Variants in ANK2 observed in about 807,000 individuals in gnomAD.
The protein encoded by ANK2 is ankyrin 2.
In ANK2, 83 loss-of-function variants were observed where a neutral mutation model predicts 360.5. The ratio of observed to expected loss-of-function variants is 0.23; its 90% CI spans 0.19 to 0.28. The LOEUF (loss-of-function observed/expected upper bound fraction) is 0.28, where lower values mean the gene tolerates loss of function less well. ANK2 is among the 10% of genes least tolerant of loss of function. ANK2 has a pLI of 1.00. For synonymous variants in ANK2, 1,740 were observed against 1,759.5 expected (o/e 0.99, Z 0.28); for missense variants, 4,201 against 4,795.7 (o/e 0.88, Z 3.66).
intron 1 of ANK2, among the ~76,000 whole-genome samples, chr4:112,831,342 G>C (rs989767061): frequency 6.6e-6 from 1 of 152,232 alleles, no homozygotes; most frequent in South Asian, 2.1e-4. Context: ...AGCACTCTGT[G>C]TCTAGCTCAA....
intron 1 of ANK2, among the ~76,000 whole-genome samples, chr4:113,163,976 C>T (rs1463868616): frequency 6.6e-6 from 1 of 152,066 alleles, no homozygotes; most frequent in Non-Finnish European, 1.5e-5. Flanking sequence ...CATTTCTCTA[C>T]CCCCTCCCCC....
At chr4:113,288,547 T>C (rs2065902412) in intron 20 of ANK2, 61 bp downstream of exon 20, 1 of 1,371,322 alleles carries the variant, frequency 7.3e-7, no homozygotes, top group East Asian at 2.3e-5. Context: ...ATCTGGATGC[T>C]TCACTAGTTT....
the ANK2 span, among the ~76,000 whole-genome samples, chr4:112,783,055 G>A: frequency 1.1e-3 from 167 of 151,822 alleles, no homozygotes; most frequent in African/African-American, 3.4e-3. Flanking sequence ...GACTACAGGC[G>A]TGCGCCACCA....
rs373688313 is a variant in ANK2, at chr4:113,373,120, A to G, written c.11641A>G (p.Thr3881Ala). The G allele has an allele frequency of 1.7e-5, 28 of 1,614,048 alleles. No homozygotes were observed. In the African/African-American group the frequency reaches 3.1e-4, roughly 18 times the overall value. ...GDDMPEIPPE[T>A]VTEEEYIDEH... ...CGATATGCCTGAAATACCCCCAGAA[A>G]CAGTCACAGAAGAAGAATACATTGA... is the stretch of plus-strand genomic sequence containing the variant. The change falls in exon 44 of 46, where the codon ACA becomes GCA. Residue 3881 changes from threonine to alanine, a missense_variant. Thr to Ala is a moderately conservative substitution (Grantham distance 58). Around this residue, in one of 4 missense-constraint regions of ANK2, gnomAD observed 2,642 missense variants for 2,714.5 expected, o/e 0.97. Transcript: ENST00000357077.
Position 113,288,501 on chromosome 4 carries a change from G to T in ANK2, c.2277+15G>T. ...CAAAAACCAAGGTAAAGTACTTGTG[G>T]TCATTTTCAATTCCTATAAGCAAAA... On this transcript the variant is annotated intron_variant, in intron 20 of 45. Coordinates refer to ENST00000357077, the MANE Select transcript of ANK2 (RefSeq NM_001148.6). 6.2e-7 allele frequency: 1 copy of T among 1,604,654 alleles called. No individual in the cohort carries two copies. Among genetic ancestry groups the T allele is most frequent in the Non-Finnish European group, 8.5e-7 (1 of 1,171,742 alleles).
At chr4:113,082,615 C>T (rs1477442971) in intron 1 of ANK2, among the ~76,000 whole-genome samples, 7 of 152,152 alleles carry the variant, frequency 4.6e-5, no homozygotes, top group African/African-American at 7.2e-5. Flanking sequence ...TTTTGTCAAT[C>T]GTACTTTTGC....
In ANK2 at chr4:113,346,027, C is replaced by T. The variant is rs891690526; in HGVS notation, c.4371+5C>T. On this transcript the variant is annotated splice_donor_5th_base_variant and intron_variant, in intron 35 of 45. Coordinates refer to ENST00000357077, the MANE Select transcript of ANK2 (RefSeq NM_001148.6). ...ACTTTGCCGATTTATACAAAGGTAT[C>T]GTAAAATCTGCTATAGTGCAATTCA... 29 of 1,612,756 alleles carry T rather than the reference C, an allele frequency of 1.8e-5. No individual in the cohort carries two copies. The highest frequency in any genetic ancestry group is 2.5e-5 in the Non-Finnish European group (29 of 1,179,118).
Position 113,274,435 on chromosome 4 carries a change from C to T in ANK2, c.1486-17C>T. 1 of 1,613,844 alleles carries T rather than the reference C, an allele frequency of 6.2e-7. No individual in the cohort carries two copies. The highest frequency in any genetic ancestry group is 8.5e-7 in the Non-Finnish European group (1 of 1,179,748). ...CTGTCTGCCCGGCACTAACTTTTTACTTGGCTTGAGTTGTAGGAGGAACAG... is the reference window on the plus strand; with the variant it reads ...CTGTCTGCCCGGCACTAACTTTTTATTTGGCTTGAGTTGTAGGAGGAACAG... On this transcript the variant is annotated splice_polypyrimidine_tract_variant and intron_variant, in intron 14 of 45. Transcript: ENST00000357077.
intron 2 of ANK2, among the ~76,000 whole-genome samples, chr4:112,927,549 C>A (rs945460118): frequency 6.6e-6 from 1 of 152,156 alleles, no homozygotes; most frequent in African/African-American, 2.4e-5. Flanking sequence ...AATACATTCA[C>A]AAGTCTTTCT....
intron 23 of ANK2, among the ~76,000 whole-genome samples, chr4:113,304,441 G>C (rs2076322341): frequency 2.0e-5 from 3 of 152,166 alleles, no homozygotes; most frequent in Admixed American, 1.3e-4. Context: ...ATTTGAGTGT[G>C]TGGATTTTAT....
chr4:112,958,014 G>C (rs1427817363), intron 2 of ANK2, among the ~76,000 whole-genome samples: 1 of 151,582 alleles, frequency 6.6e-6, no homozygotes, highest in African/African-American at 2.4e-5. Context: ...GGGCAGAGAC[G>C]CTCCTCACTT....
chr4:113,372,148 A>C (rs2096760536), intron 43 of ANK2, among the ~76,000 whole-genome samples: 1 of 152,196 alleles, frequency 6.6e-6, no homozygotes, highest in Non-Finnish European at 1.5e-5. Flanking sequence ...AAGCCTAAGC[A>C]CCAGTGTCAG....
chr4:112,956,964 C>G (rs1047754561), intron 2 of ANK2, among the ~76,000 whole-genome samples: 1 of 126,754 alleles, frequency 7.9e-6, no homozygotes, highest in African/African-American at 3.0e-5. Context: ...GACGTTGTCT[C>G]TTAAATTATT....
At chr4:112,976,449 C>T (rs2041453759) in intron 2 of ANK2, among the ~76,000 whole-genome samples, 1 of 152,158 alleles carries the variant, frequency 6.6e-6, no homozygotes, top group African/African-American at 2.4e-5. Flanking sequence ...CCACCTTGGC[C>T]TCCCAAAGTG....
intron 2 of ANK2, among the ~76,000 whole-genome samples, chr4:112,913,019 G>T (rs2088243661): frequency 6.6e-6 from 1 of 152,054 alleles, no homozygotes; most frequent in African/African-American, 2.4e-5. Flanking sequence ...ATAATTTTAT[G>T]TTATAATATG....
chr4:112,949,385 G>T (rs1338438430), intron 2 of ANK2, among the ~76,000 whole-genome samples: 1 of 152,126 alleles, frequency 6.6e-6, no homozygotes, highest in Non-Finnish European at 1.5e-5. Flanking sequence ...TAGGTGTTTA[G>T]AATATGTTCA....
rs532751616 is a variant in ANK2, at chr4:113,090,223, T to G, written c.84+40411T>G. Among the ~76,000 whole-genome samples the G allele has an allele frequency of 3.6e-4, 55 of 152,342 alleles. No homozygotes were observed. In the South Asian group the frequency reaches 0.011, roughly 30 times the overall value. On this transcript the variant is annotated intron_variant, in intron 1 of 45. Coordinates refer to ENST00000357077, the MANE Select transcript of ANK2 (RefSeq NM_001148.6). ...ATCTTTCTAACTTTGAATATAGATT[T>G]CATAAAAATCTCAAATCATTGATAA... is the stretch of plus-strand genomic sequence containing the variant.
chr4:113,355,416 G>A lies in ANK2; in HGVS notation c.6798G>A (p.Lys2266=), dbSNP rs2095689940. The A allele has an allele frequency of 3.1e-6, 5 of 1,613,924 alleles. No individual in the cohort carries two copies. In the East Asian group the frequency reaches 1.1e-4, roughly 36 times the overall value. Residue 2266 remains lysine (K), a synonymous_variant, in exon 38 of 46, where the codon AAG becomes AAA. Transcript: ENST00000357077. ...CTGGGGAAACAAAGGAAAGCACCAA[G>A]ACAGAAACCACCACAGAAATTCGTT... ...EQTGETKEST[K]TETTTEIRSE...
rs2094318518 is a variant in ANK2, at chr4:113,341,653, G to A, written c.3894-35G>A. 9 of 1,602,636 alleles carry A rather than the reference G, an allele frequency of 5.6e-6. No homozygotes were observed. The East Asian group carries it at 2.0e-4, about 36-fold the overall frequency. ...TTTTATTTTTCACATGGTATACTTT[G>A]AACTTTAGATAACTGACTTTATTTA... On this transcript the variant is annotated intron_variant, in intron 32 of 45. Transcript: ENST00000357077.
Sources: gnomAD v4.1 joint callset for allele counts (sites outside exome capture counted in the v4.1 genomes callset) on GRCh38, gnomAD v4.1.1 for gene constraint, gnomAD v4.1.1 regional missense constraint, MANE v1.5 for transcripts, NCBI Gene and HGNC (gene_info 2026-07-23, HGNC 2026-07-21) for gene names.